Variants in NUTM2F observed in about 807,000 individuals in gnomAD.
NUTM2F encodes family with sequence similarity 22, member F.
A neutral mutation model predicts 43.3 loss-of-function variants in NUTM2F; 22 were observed. That is an observed-to-expected ratio of 0.51 (90% CI 0.36 to 0.73). NUTM2F has a LOEUF of 0.73. NUTM2F is among the 30% of genes least tolerant of loss of function. NUTM2F has a pLI of 0.00. For synonymous variants in NUTM2F, 202 were observed against 389.0 expected (o/e 0.52, Z 5.66); for missense variants, 488 against 927.4 (o/e 0.53, Z 6.15).
At chr9:94,324,467 C>T (rs540036678) in intron 2 of NUTM2F, among the ~76,000 whole-genome samples, 1 of 148,862 alleles carries the variant, frequency 6.7e-6, no homozygotes, top group East Asian at 2.0e-4. Flanking sequence ...TTGAGAGCAT[C>T]CTGGCTAACA....
At position 94,325,831 on chromosome 9, in the gene NUTM2F, C is replaced by T. The variant is rs774763383; in HGVS notation, c.120G>A (p.Arg40=). 1.2e-6 allele frequency: 2 copies of T among 1,612,086 alleles called. No individual in the cohort carries two copies. The highest frequency in any genetic ancestry group is 2.2e-5 in the East Asian group (1 of 44,868). The part of the protein sequence containing the change: ...FATPAPGPAH[R]PPLVTAVVPP... The stretch of plus-strand genomic sequence containing the variant: ...GAACCACTGCAGTCACGAGGGGCGG[C>T]CTGTGTGCTGGGCCGGGAGCGGGTG... The change falls in exon 2 of 7, where the codon AGG becomes AGA. Residue 40 remains arginine, a synonymous_variant. Transcript: ENST00000253262.
intron 2 of NUTM2F, among the ~76,000 whole-genome samples, chr9:94,323,488 C>G (rs1377598323): frequency 1.3e-5 from 2 of 152,150 alleles, no homozygotes; most frequent in African/African-American, 4.8e-5. Context: ...TGCTGCCTCA[C>G]AGTCACCACA....
chr9:94,323,706 A>G (rs1357094120), intron 2 of NUTM2F, among the ~76,000 whole-genome samples: 2 of 152,182 alleles, frequency 1.3e-5, no homozygotes, highest in Non-Finnish European at 2.9e-5. Flanking sequence ...TCTCTTTGCC[A>G]TCCTCTGAAT....
chr9:94,326,248 T>C (rs556287646), intron 1 of NUTM2F, among the ~76,000 whole-genome samples: 1 of 152,024 alleles, frequency 6.6e-6, no homozygotes, highest in East Asian at 1.9e-4. Flanking sequence ...TCCCAAGCCA[T>C]GGGTCAGGGA....
chr9:94,325,037 G>T (rs1446871834), intron 2 of NUTM2F, among the ~76,000 whole-genome samples: 2 of 141,128 alleles, frequency 1.4e-5, no homozygotes, highest in Non-Finnish European at 3.1e-5. Flanking sequence ...GACAGTGACA[G>T]GCAGTTGACG....
At chr9:94,327,244 C>T (rs1250116581) in intron 1 of NUTM2F, among the ~76,000 whole-genome samples, 5 of 151,898 alleles carry the variant, frequency 3.3e-5, no homozygotes, top group Non-Finnish European at 5.9e-5. Flanking sequence ...GCTGGGATTA[C>T]AGGCGCCCGC....
At chr9:94,321,548 G>A (rs1289630927) in intron 3 of NUTM2F, among the ~76,000 whole-genome samples, 11 of 146,726 alleles carry the variant, frequency 7.5e-5, no homozygotes, top group South Asian at 4.6e-4. Context: ...GGCAGAAGGC[G>A]TCAGGGATGA....
Position 94,320,450 on chromosome 9 carries a change from G to A in NUTM2F, c.1126C>T (p.Pro376Ser), listed in dbSNP as rs1373570498. 1.2e-6 allele frequency: 2 copies of A among 1,603,838 alleles called. No individual in the cohort carries two copies. Among genetic ancestry groups the A allele is most frequent in the Admixed American group, 1.7e-5 (1 of 59,100 alleles). The change falls in exon 5 of 7, where the codon CCC (proline) becomes TCC (serine). Residue 376 changes from proline (P) to serine (S), a missense_variant. By Grantham distance (74) the Pro-to-Ser change is moderately conservative. Transcript: ENST00000253262. The surrounding 1 kb of genome is among the most constrained non-coding windows in gnomAD (Gnocchi z 4.5). ...PAETNAHLPP[P>S]RPQRPAETKV... Reference sequence around the variant, plus strand: ...GTCTCCGCTGGCCTCTGGGGCCTGGGTGGTGGCAGGTGGGCGTTGGTCTCC... The same window carrying A: ...GTCTCCGCTGGCCTCTGGGGCCTGGATGGTGGCAGGTGGGCGTTGGTCTCC...
At chr9:94,322,085 T>C (rs1306706746) in intron 3 of NUTM2F, 116 bp downstream of exon 3, 65 of 1,507,198 alleles carry the variant, frequency 4.3e-5, no homozygotes, top group Non-Finnish European at 5.6e-5. Flanking sequence ...CAGGGCATCC[T>C]GTGTTTGTCC....
chr9:94,318,821 T>C lies in NUTM2F; in HGVS notation c.1915A>G (p.Met639Val). Residue 639 changes from methionine to valine, a missense_variant, in exon 7 of 7, where the codon ATG becomes GTG. Coordinates refer to ENST00000253262, the MANE Select transcript of NUTM2F (RefSeq NM_017561.2). ...TGGTGGGAACCCACGACATAGACCA[T>C]GCCAGGGAGTTCCGTCTCCTCACTT... ...GSSEETELPG[M>V]VYVVGSHHRL... 1.9e-6 allele frequency: 3 copies of C among 1,562,424 alleles called. No individual in the cohort carries two copies. The highest frequency in any genetic ancestry group is 2.3e-5 in the South Asian group (2 of 86,640).
chr9:94,325,305 A>C lies in NUTM2F; in HGVS notation c.646T>G (p.Tyr216Asp), dbSNP rs1384206008. ...VYENFRLWQH[Y>D]KPLARRHLPQ... ...AGGTGCCTCCGGGCCAGGGGCTTGTAGTGCTGCCAGAGTCGGAAGTTCTCA... is the reference window on the plus strand; with the variant it reads ...AGGTGCCTCCGGGCCAGGGGCTTGTCGTGCTGCCAGAGTCGGAAGTTCTCA... The change falls in exon 2 of 7, where the codon TAC becomes GAC. Residue 216 changes from tyrosine to aspartate, a missense_variant. By Grantham distance (160) the Tyr-to-Asp change is radical. Transcript: ENST00000253262. The C allele has an allele frequency of 9.7e-7, 1 of 1,031,424 alleles. No individual in the cohort carries two copies. The highest frequency in any genetic ancestry group is 2.4e-5 in the African/African-American group (1 of 42,094). The allele number at this position is 1,031,424 out of a possible 1,614,324, so 63.9% of individuals were successfully genotyped here. A position where few individuals can be genotyped will look rare whatever the true frequency, so the allele number is the denominator to read the frequency against.
In NUTM2F at chr9:94,319,117, T is replaced by C; in HGVS notation, c.1619A>G (p.Asp540Gly). 1 of 1,137,044 alleles carries C rather than the reference T, an allele frequency of 8.8e-7. No individual in the cohort carries two copies. The allele number at this position is 1,137,044 out of a possible 1,614,324, so 70.4% of individuals were successfully genotyped here. A position where few individuals can be genotyped will look rare whatever the true frequency, so the allele number is the denominator to read the frequency against. ...AGQEAAREVP[D>G]PQQRVSVETS... ...TTCCACGCTGACCCTTTGTTGGGGG[T>C]CAGGGACCTCTCTCGCTGCTTCTTG... Residue 540 changes from aspartate to glycine, a missense_variant, in exon 7 of 7, where the codon GAC becomes GGC. Transcript: ENST00000253262.
At position 94,328,592 on chromosome 9, in the gene NUTM2F, A is replaced by G; in HGVS notation, c.16+16T>C. On this transcript the variant is annotated intron_variant, in intron 1 of 6. Transcript: ENST00000253262. ...GCAAGGCAGACTCGGATAATGCCCC[A>G]TCCCTACAGGCTCACCTCCATTTGA... 6.2e-7 allele frequency: 1 copy of G among 1,613,752 alleles called. No homozygotes were observed. The highest frequency in any genetic ancestry group is 8.5e-7 in the Non-Finnish European group (1 of 1,179,802).
intron 2 of NUTM2F, among the ~76,000 whole-genome samples, chr9:94,324,827 C>T (rs1045731876): frequency 1.3e-4 from 20 of 150,758 alleles, no homozygotes; most frequent in East Asian, 5.9e-4. Flanking sequence ...CCCATCTCTA[C>T]GAATACAAAA....
chr9:94,328,560 A>T (rs767321481), intron 1 of NUTM2F, 48 bp downstream of exon 1: 7 of 1,613,704 alleles, frequency 4.3e-6, no homozygotes, highest in Non-Finnish European at 5.1e-6. Flanking sequence ...ATTCCCAAGG[A>T]GTTGAGGCAA....
Position 94,320,391 on chromosome 9 carries a change from C to A in NUTM2F, c.1185G>T (p.Val395=), listed in dbSNP as rs974489660. 1.2e-6 allele frequency: 2 copies of A among 1,613,250 alleles called. No homozygotes were observed. Among genetic ancestry groups the A allele is most frequent in the Non-Finnish European group, 1.7e-6 (2 of 1,179,874 alleles). ...KVPEEIPPEV[V]QEYVDIMEEL... ...CCTCCATGATGTCCACATACTCCTG[C>A]ACCACTTCAGGGGGGATCTCCTCAG... Residue 395 remains valine, a synonymous_variant, in exon 5 of 7, where the codon GTG becomes GTT. Transcript: ENST00000253262. The surrounding 1 kb of genome is among the most constrained non-coding windows in gnomAD (Gnocchi z 4.5).
In NUTM2F at chr9:94,325,655, G is replaced by T. The variant is rs1378475096; in HGVS notation, c.296C>A (p.Thr99Asn). The T allele has an allele frequency of 6.2e-7, 1 of 1,609,124 alleles. No homozygotes were observed. The highest frequency in any genetic ancestry group is 8.5e-7 in the Non-Finnish European group (1 of 1,179,144). ...VGPVKPPQAQTLILTQAPLVW... is the reference protein window; with the variant it reads ...VGPVKPPQAQNLILTQAPLVW... ...GAGGGGGGCCTGAGTTAGGATCAAG[G>T]TCTGTGCCTGAGGGGGCTTCACAGG... The change falls in exon 2 of 7, where the codon ACC (threonine) becomes AAC (asparagine). Residue 99 changes from threonine (T) to asparagine (N), a missense_variant. Coordinates refer to ENST00000253262, the MANE Select transcript of NUTM2F (RefSeq NM_017561.2).
At chr9:94,323,876 G>A (rs1457091784) in intron 2 of NUTM2F, among the ~76,000 whole-genome samples, 1 of 152,274 alleles carries the variant, frequency 6.6e-6, no homozygotes, top group East Asian at 1.9e-4. Flanking sequence ...TGTGTGCCAG[G>A]TTCCTGCTGG....
chr9:94,328,318 C>T (rs1587705222), intron 1 of NUTM2F, among the ~76,000 whole-genome samples: 1 of 152,090 alleles, frequency 6.6e-6, no homozygotes, highest in Non-Finnish European at 1.5e-5. Context: ...TCCCTACAAA[C>T]ACAATGACGT....
Sources: gnomAD v4.1 joint callset for allele counts (sites outside exome capture counted in the v4.1 genomes callset) on GRCh38, gnomAD v4.1.1 for gene constraint, Gnocchi (gnomAD v3.1) non-coding constraint, MANE v1.5 for transcripts, NCBI Gene and HGNC (gene_info 2026-07-23, HGNC 2026-07-21) for gene names.